The following MED15 variants were observed in gnomAD, a reference collection of about 807,000 sequenced individuals.
MED15 encodes the protein mediator of RNA polymerase II transcription subunit 15.
A neutral mutation model predicts 118.7 loss-of-function variants in MED15; 41 were observed. The observed-to-expected ratio is 0.35, with a 90% CI of 0.27 to 0.45. The LOEUF (loss-of-function observed/expected upper bound fraction) is 0.45, where lower values mean the gene tolerates loss of function less well. MED15 is among the 20% of genes least tolerant of loss of function. MED15 has a pLI of 1.00. For synonymous variants in MED15, 436 were observed against 413.9 expected (o/e 1.05, Z -0.65); for missense variants, 740 against 1,025.5 (o/e 0.72, Z 3.80).
intron 5 of MED15, among the ~76,000 whole-genome samples, chr22:20,562,986 C>T (rs555417167): frequency 5.9e-5 from 9 of 151,646 alleles, no homozygotes; most frequent in African/African-American, 1.9e-4. Context: ...CAGTGAGCCA[C>T]GATGGTACCA....
At chr22:20,521,037 C>T (rs1601458715) in intron 1 of MED15, among the ~76,000 whole-genome samples, 1 of 149,754 alleles carries the variant, frequency 6.7e-6, no homozygotes, top group African/African-American at 2.5e-5. Context: ...CAATTGTGTG[C>T]ATCATGTGTG....
At chr22:20,551,721 A>T (rs1198578100) in intron 3 of MED15, 1 of 580,006 alleles carries the variant, frequency 1.7e-6, no homozygotes, top group Non-Finnish European at 3.1e-6. Context: ...TGCTGTCCTC[A>T]AAGTGGTCTA....
At chr22:20,557,923 G>T (rs1379779696) in intron 5 of MED15, among the ~76,000 whole-genome samples, 1 of 152,140 alleles carries the variant, frequency 6.6e-6, no homozygotes, top group African/African-American at 2.4e-5. Context: ...TGGCTAACAC[G>T]GTGAGACCCC....
At chr22:20,578,331 T>C (rs555398955) in intron 9 of MED15, among the ~76,000 whole-genome samples, 3 of 151,886 alleles carry the variant, frequency 2.0e-5, no homozygotes, top group Non-Finnish European at 4.4e-5. Context: ...CACCCTGGAG[T>C]GGAAGCCTCC....
chr22:20,568,123 G>A (rs2056509463), intron 7 of MED15, among the ~76,000 whole-genome samples: 1 of 152,200 alleles, frequency 6.6e-6, no homozygotes, highest in Non-Finnish European at 1.5e-5. Context: ...ATACAGACAG[G>A]AGCTACTACG....
Position 20,553,270 on chromosome 22 carries a change from T to G in MED15, c.238+96T>G, listed in dbSNP as rs183875278. On this transcript the variant is annotated intron_variant, in intron 4 of 17. Coordinates refer to ENST00000263205, the MANE Select transcript of MED15 (RefSeq NM_001003891.3). The stretch of plus-strand genomic sequence containing the variant: ...CATGCCTCATGTGCCTGGGTTAACC[T>G]GTCACTAGAGGAGAATGCTTGCGGA... The G allele has an allele frequency of 3.2e-5, 40 of 1,262,302 alleles. No individual in the cohort carries two copies. The Admixed American group carries it at 6.8e-4, about 21-fold the overall frequency. 78.2% of individuals were successfully genotyped at this position (1,262,302 alleles called of 1,614,324 possible).
chr22:20,586,526 A>G, intron 17 of MED15, 42 bp from the exon 18 acceptor site: 2 of 1,600,452 alleles, frequency 1.2e-6, no homozygotes, highest in Non-Finnish European at 8.5e-7. Context: ...GAGCGAGCGC[A>G]GCGCCGGCCG....
intron 2 of MED15, 143 bp from the exon 3 acceptor site, chr22:20,551,293 C>T (rs563431244): frequency 2.5e-6 from 2 of 810,910 alleles, no homozygotes; most frequent in African/African-American, 3.3e-5. Context: ...GAGGCGGATT[C>T]CAGAGGAGGC....
intron 1 of MED15, among the ~76,000 whole-genome samples, chr22:20,509,852 G>A (rs1282385249): frequency 6.6e-6 from 1 of 152,122 alleles, no homozygotes; most frequent in African/African-American, 2.4e-5. Flanking sequence ...TCTTCTCTGG[G>A]AAAGCCCAGA....
At chr22:20,544,768 A>G (rs2055459366) in intron 2 of MED15, among the ~76,000 whole-genome samples, 1 of 152,238 alleles carries the variant, frequency 6.6e-6, no homozygotes, top group Non-Finnish European at 1.5e-5. Flanking sequence ...GGGAGGCTAT[A>G]GGAGAGGAAC....
At chr22:20,585,367 A>C (rs2057104336) in intron 16 of MED15, 100 bp downstream of exon 16, 2 of 1,469,230 alleles carry the variant, frequency 1.4e-6, no homozygotes, top group Non-Finnish European at 1.9e-6. Flanking sequence ...CCCAGAACCC[A>C]CCCTGTGTTC....
At chr22:20,568,472 C>G (rs762520987) in intron 7 of MED15, 49 bp from the exon 8 acceptor site, 3 of 1,596,062 alleles carry the variant, frequency 1.9e-6, no homozygotes, top group African/African-American at 1.3e-5. Flanking sequence ...CTAGGCTCTG[C>G]TCTCTGACCC....
intron 16 of MED15, 154 bp from the exon 17 acceptor site, chr22:20,585,574 T>C (rs1601654966): frequency 1.3e-6 from 1 of 755,270 alleles, no homozygotes; most frequent in East Asian, 2.7e-5. Context: ...AGGCTTCACG[T>C]TTGGAAATCT....
intron 16 of MED15, 65 bp from the exon 17 acceptor site, chr22:20,585,663 C>A: frequency 1.4e-6 from 2 of 1,463,120 alleles, no homozygotes; most frequent in Non-Finnish European, 9.5e-7. Context: ...TGTTCCAGAG[C>A]AGGGCTGTGA....
At chr22:20,519,452 T>C (rs567577677) in intron 1 of MED15, among the ~76,000 whole-genome samples, 3 of 151,542 alleles carry the variant, frequency 2.0e-5, no homozygotes, top group African/African-American at 7.3e-5. Context: ...TTTTTTTTTT[T>C]CTTGAGACAG....
chr22:20,519,567 G>A (rs2054376619), intron 1 of MED15, among the ~76,000 whole-genome samples: 2 of 151,744 alleles, frequency 1.3e-5, no homozygotes, highest in African/African-American at 4.8e-5. Flanking sequence ...TGATTCTTGT[G>A]CCTCAGCCTT....
At chr22:20,578,565 T>G (rs1304380728) in intron 9 of MED15, among the ~76,000 whole-genome samples, 1 of 152,150 alleles carries the variant, frequency 6.6e-6, no homozygotes, top group African/African-American at 2.4e-5. Context: ...TGCCTCTGCT[T>G]TTGTGTCAGT....
chr22:20,546,799 A>G (rs115100122), intron 2 of MED15, among the ~76,000 whole-genome samples: 113 of 151,980 alleles, frequency 7.4e-4, no homozygotes, highest in African/African-American at 2.6e-3. Context: ...CAACCTCTTT[A>G]GTTTTTCTTA....
chr22:20,548,197 T>C (rs1158567705), intron 2 of MED15, among the ~76,000 whole-genome samples: 2 of 152,056 alleles, frequency 1.3e-5, no homozygotes, highest in Non-Finnish European at 2.9e-5. Flanking sequence ...TTTTCACTCT[T>C]GTTGCCCAGG....
Sources: allele counts gnomAD v4.1 joint callset (sites outside exome capture counted in the v4.1 genomes callset), GRCh38; gene constraint gnomAD v4.1.1; transcripts MANE v1.5; gene names NCBI Gene and HGNC (gene_info 2026-07-23, HGNC 2026-07-21).